Variants in ZNF157 observed in about 807,000 individuals in gnomAD.
ZNF157 encodes zinc finger protein 22.
Under a neutral mutation model 9.4 loss-of-function variants are expected in ZNF157, and 8 were observed. That is an observed-to-expected ratio of 0.85 (90% CI 0.50 to 1.53). ZNF157 has a LOEUF of 1.53. Ranked by LOEUF, ZNF157 falls within the 40% of genes most tolerant of loss-of-function variation. The pLI is 0.00. For missense variants in ZNF157, 316 were observed against 385.2 expected, an observed-to-expected ratio of 0.82 and a Z score of 1.50; for synonymous variants, 120 against 130.8, an observed-to-expected ratio of 0.92 and a Z score of 0.56.
chrX:47,382,725 G>A (rs1168948864), intron 1 of ZNF157, among the ~76,000 whole-genome samples: 1 of 109,159 alleles, frequency 9.2e-6, no homozygotes, highest in African/African-American at 3.3e-5. Flanking sequence ...CTAAGTATAG[G>A]ACTGTGTAAC....
At chrX:47,384,597 C>T (rs921083153) in intron 1 of ZNF157, among the ~76,000 whole-genome samples, 4 of 112,195 alleles carry the variant, frequency 3.6e-5, no homozygotes, top group African/African-American at 1.3e-4. Context: ...GTAAGATTGC[C>T]GAAGCCCACG....
rs769541152 is a variant in ZNF157, at chrX:47,374,998, C to CT, written c.72+4294dup. The stretch of plus-strand genomic sequence containing the variant: ...GTGAGCCCTGAGCCCGGCTGACAAT[C>CT]TTTTTTTTTTTTTTTTTTTTTTTTT... On this transcript the variant is annotated intron_variant, in intron 1 of 3. Transcript: ENST00000377073. Among the ~76,000 whole-genome samples, 54 of 24,993 alleles carry CT rather than the reference C, an allele frequency of 2.2e-3. 13 individuals are homozygous for CT. Among genetic ancestry groups the CT allele is most frequent in the East Asian group, 7.1e-3 (4 of 561 alleles). 21.7% of individuals were successfully genotyped at this position (24,993 alleles called of 115,157 possible). A position where few individuals can be genotyped will look rare whatever the true frequency, so the allele number is the denominator to read the frequency against.
chrX:47,393,708 G>A (rs1415485352), intron 1 of ZNF157, among the ~76,000 whole-genome samples: 3 of 104,718 alleles, frequency 2.9e-5, no homozygotes, highest in East Asian at 6.0e-4. Context: ...TGGGACTACC[G>A]GATTGAGCTA....
At chrX:47,377,170 G>T (rs765400596) in intron 1 of ZNF157, among the ~76,000 whole-genome samples, 142 of 108,538 alleles carry the variant, frequency 1.3e-3, no homozygotes, top group Non-Finnish European at 2.0e-3. Context: ...CATTCCCTAC[G>T]GATTCATCTT....
intron 1 of ZNF157, among the ~76,000 whole-genome samples, chrX:47,388,015 A>G (rs747387063): frequency 9.1e-6 from 1 of 110,069 alleles, no homozygotes; most frequent in East Asian, 2.8e-4. Context: ...GAGAATTACA[A>G]TGCTTCTACA....
chrX:47,394,288 C>G (rs1464912300), intron 1 of ZNF157, among the ~76,000 whole-genome samples: 1 of 111,148 alleles, frequency 9.0e-6, no homozygotes, highest in Non-Finnish European at 1.9e-5. Context: ...TCAAGTGATC[C>G]TCCCACCTTG....
intron 1 of ZNF157, among the ~76,000 whole-genome samples, chrX:47,389,383 T>G (rs2055890243): frequency 9.4e-6 from 1 of 106,125 alleles, no homozygotes; most frequent in Admixed American, 1.0e-4. Flanking sequence ...AGAGTCTTGC[T>G]CTGCTGGTCA....
At chrX:47,385,775 C>T (rs888396430) in intron 1 of ZNF157, among the ~76,000 whole-genome samples, 1 of 110,413 alleles carries the variant, frequency 9.1e-6, no homozygotes, top group African/African-American at 3.3e-5. Flanking sequence ...ACCATGTTGG[C>T]CAGGCTGGTC....
In ZNF157 at chrX:47,413,446, T is replaced by C. The variant is rs777904836; in HGVS notation, c.1373T>C (p.Ile458Thr). 7.4e-6 allele frequency: 9 copies of C among 1,209,805 alleles called. No homozygotes were observed. In the African/African-American group the frequency reaches 8.7e-5, roughly 12 times the overall value. Residue 458 changes from isoleucine (I) to threonine (T), a missense_variant, in exon 4 of 4, where the codon ATT becomes ACT. By Grantham distance (89) the Ile-to-Thr change is moderately conservative. Coordinates refer to ENST00000377073, the MANE Select transcript of ZNF157 (RefSeq NM_003446.4). ...GCCTTCTATGTGAAAGTACGCCTCA[T>C]TGAACATCAGCGAATTCACACAGGA... ...GNAFYVKVRL[I>T]EHQRIHTGER...
At position 47,393,086 on chromosome X, in the gene ZNF157, C is replaced by T. The variant is rs201593353; in HGVS notation, c.73-17190C>T. On this transcript the variant is annotated intron_variant, in intron 1 of 3. Coordinates refer to ENST00000377073, the MANE Select transcript of ZNF157 (RefSeq NM_003446.4). ...AGGAGAATCTCTTGAACCTGGGAGG[C>T]GGAAGTTGCAGTGAGCCGAGATCCT... is the stretch of plus-strand genomic sequence containing the variant. Among the ~76,000 whole-genome samples the T allele has an allele frequency of 2.6e-4, 28 of 107,682 alleles. No homozygotes were observed. In the East Asian group the frequency reaches 7.4e-3, roughly 28 times the overall value. 93.5% of individuals were successfully genotyped at this position (107,682 alleles called of 115,157 possible). A position where few individuals can be genotyped will look rare whatever the true frequency, so the allele number is the denominator to read the frequency against.
chrX:47,404,097 G>C (rs2055939434), intron 1 of ZNF157, among the ~76,000 whole-genome samples: 1 of 110,744 alleles, frequency 9.0e-6, no homozygotes, highest in Non-Finnish European at 1.9e-5. Context: ...TTGAACCTGG[G>C]AGGTGGAGGT....
intron 1 of ZNF157, among the ~76,000 whole-genome samples, chrX:47,405,305 C>T (rs2055943719): frequency 9.1e-6 from 1 of 110,352 alleles, no homozygotes. Context: ...AGGAGAATCG[C>T]TTGAACCTCA....
chrX:47,373,562 T>C (rs2055834780), intron 1 of ZNF157, among the ~76,000 whole-genome samples: 1 of 111,247 alleles, frequency 9.0e-6, no homozygotes. Flanking sequence ...TTGTGAGTTA[T>C]GTACATTATT....
intron 1 of ZNF157, among the ~76,000 whole-genome samples, chrX:47,378,630 G>T (rs1227894595): frequency 8.9e-6 from 1 of 111,771 alleles, no homozygotes; most frequent in African/African-American, 3.2e-5. Context: ...CCTGAGGTCA[G>T]AAGTTTGAGA....
At chrX:47,378,650 C>T (rs757058706) in intron 1 of ZNF157, among the ~76,000 whole-genome samples, 3 of 111,563 alleles carry the variant, frequency 2.7e-5, no homozygotes, top group Non-Finnish European at 5.6e-5. Flanking sequence ...ACCAGCCTGG[C>T]CAACATGGTG....
At chrX:47,384,983 T>C in intron 1 of ZNF157, among the ~76,000 whole-genome samples, 1 of 111,499 alleles carries the variant, frequency 9.0e-6, no homozygotes, top group Non-Finnish European at 1.9e-5. Context: ...CCGCCGGGAC[T>C]GATGGAGGAG....
At chrX:47,393,739 CG>C (rs369327109) in intron 1 of ZNF157, among the ~76,000 whole-genome samples, 20,682 of 67,960 alleles carry the variant, frequency 0.3, 3,438 homozygotes, top group African/African-American at 0.53. Context: ...CACCCTCCCC[CG>C]CCCTTTTTTT....
intron 1 of ZNF157, among the ~76,000 whole-genome samples, chrX:47,399,760 A>C (rs755566983): frequency 1.8e-5 from 2 of 110,780 alleles, no homozygotes; most frequent in East Asian, 5.7e-4. Context: ...GCTCACTGCA[A>C]CCTCAGCCTC....
intron 1 of ZNF157, among the ~76,000 whole-genome samples, chrX:47,381,075 GCA>G (rs2055861536): frequency 9.6e-6 from 1 of 104,395 alleles, no homozygotes; most frequent in Non-Finnish European, 2.0e-5. Flanking sequence ...AGGAGGAGGA[GCA>G]GGAGGAGGAG....
Sources: gnomAD v4.1 joint callset for allele counts (sites outside exome capture counted in the v4.1 genomes callset) on GRCh38, gnomAD v4.1.1 for gene constraint, MANE v1.5 for transcripts, NCBI Gene and HGNC (gene_info 2026-07-23, HGNC 2026-07-21) for gene names.